Variants in BICDL1 observed in about 807,000 individuals in gnomAD.
BICDL1 encodes BICD family-like cargo adapter 1.
In BICDL1, 20 loss-of-function variants were observed where a neutral mutation model predicts 76.8. That is an observed-to-expected ratio of 0.26 (90% confidence interval 0.18 to 0.38). The LOEUF (loss-of-function observed/expected upper bound fraction) is 0.38, where lower values mean the gene tolerates loss of function less well. Among genes scored for constraint, BICDL1 ranks in the 10% least tolerant of loss-of-function variants. The pLI, the probability that BICDL1 is intolerant of heterozygous loss-of-function variation, is 1.00. For missense variants in BICDL1, 700 were observed against 798.6 expected (o/e 0.88, Z 1.49); for synonymous variants, 383 against 337.1 (o/e 1.14, Z -1.49).
Position 120,094,399 on chromosome 12 carries a change from T to TA in BICDL1, c.*1239dup. The TA allele has an allele frequency of 2.6e-6, 1 of 378,434 alleles. No individual in the cohort carries two copies. 23.4% of individuals were successfully genotyped at this position (378,434 alleles called of 1,614,324 possible). A position where few individuals can be genotyped will look rare whatever the true frequency, so the allele number is the denominator to read the frequency against. On this transcript the variant is annotated 3_prime_UTR_variant, in exon 10 of 10. Transcript: ENST00000548673. ...ACATGTATGGATTTTATAATATACA[T>TA]ATATAAAAATCTATAAAGGCATATT...
At chr12:120,005,621 G>C (rs539711174) in intron 2 of BICDL1, among the ~76,000 whole-genome samples, 5 of 152,144 alleles carry the variant, frequency 3.3e-5, no homozygotes, top group Admixed American at 2.0e-4. Flanking sequence ...GATCCACCTC[G>C]GCCTCCCAAA....
chr12:120,032,634 A>G (rs1952445298), intron 2 of BICDL1, among the ~76,000 whole-genome samples: 1 of 152,228 alleles, frequency 6.6e-6, no homozygotes, highest in Non-Finnish European at 1.5e-5. Flanking sequence ...AATAGAGGCA[A>G]GCCAAATAAT....
At position 120,015,185 on chromosome 12, in the gene BICDL1, A is replaced by G. The variant is rs74363329; in HGVS notation, c.645+16449A>G. Among the ~76,000 whole-genome samples the G allele has an allele frequency of 2.0e-4, 31 of 152,314 alleles. No homozygotes were observed. In the East Asian group the frequency reaches 4.4e-3, roughly 22 times the overall value. On this transcript the variant is annotated intron_variant, in intron 2 of 9. Transcript: ENST00000548673. Reference sequence around the variant, plus strand: ...GTTGAAGCTTTCTTAACTTTATGCAATAACCTGAAACATCTCCTTGCCTTT... The same window carrying G: ...GTTGAAGCTTTCTTAACTTTATGCAGTAACCTGAAACATCTCCTTGCCTTT...
chr12:120,074,110 T>C (rs1367548939), intron 6 of BICDL1, among the ~76,000 whole-genome samples: 2 of 152,072 alleles, frequency 1.3e-5, no homozygotes, highest in African/African-American at 2.4e-5. Context: ...AGACAGGGTT[T>C]CACCGTGTTA....
intron 2 of BICDL1, among the ~76,000 whole-genome samples, chr12:120,002,135 A>C (rs1194809501): frequency 6.6e-6 from 1 of 152,202 alleles, no homozygotes; most frequent in Non-Finnish European, 1.5e-5. Context: ...CACCCTCCGC[A>C]AAAGAAACCC....
In BICDL1 at chr12:120,093,030, C is replaced by G. The variant is rs751030849; in HGVS notation, c.1735C>G (p.Leu579Val). ...CATGCACAGGGTCATTGACCGGCAG[C>G]TGATGGACACGCACCTGAAAGAACG... The part of the protein sequence containing the change: ...DDMHRVIDRQ[L>V]MDTHLKERSQ... Residue 579 changes from leucine to valine, a missense_variant, in exon 10 of 10, where the codon CTG (leucine) becomes GTG (valine). By Grantham distance (32) the Leu-to-Val change is conservative. Around this residue, in one of 3 missense-constraint regions of BICDL1, gnomAD observed 455 missense variants for 548.7 expected, o/e 0.83. Transcript: ENST00000548673. 5 of 1,586,388 alleles carry G rather than the reference C, an allele frequency of 3.2e-6. No homozygotes were observed. The African/African-American group carries it at 6.7e-5, about 21-fold the overall frequency.
intron 2 of BICDL1, among the ~76,000 whole-genome samples, chr12:120,017,764 G>A (rs996233948): frequency 5.3e-5 from 8 of 152,092 alleles, no homozygotes; most frequent in African/African-American, 1.2e-4. Flanking sequence ...AGATTTGGCC[G>A]CATAATAGTT....
chr12:120,025,142 TG>T (rs1479527981), intron 2 of BICDL1, among the ~76,000 whole-genome samples: 1 of 149,268 alleles, frequency 6.7e-6, no homozygotes, highest in East Asian at 2.0e-4. Flanking sequence ...CTCCGCCCCC[TG>T]GGGTTCACAC....
At chr12:120,030,835 C>T (rs1952406927) in intron 2 of BICDL1, among the ~76,000 whole-genome samples, 1 of 152,166 alleles carries the variant, frequency 6.6e-6, no homozygotes, top group Admixed American at 6.6e-5. Flanking sequence ...CTACTTTCAA[C>T]AGTAACTGAG....
chr12:120,006,595 CA>C (rs1298041257), intron 2 of BICDL1, among the ~76,000 whole-genome samples: 2 of 152,112 alleles, frequency 1.3e-5, no homozygotes, highest in African/African-American at 4.8e-5. Flanking sequence ...ATAGGATTCT[CA>C]GGAAGGAACC....
intron 8 of BICDL1, 148 bp from the exon 9 acceptor site, chr12:120,089,803 A>C: frequency 8.8e-6 from 8 of 907,530 alleles, no homozygotes; most frequent in Non-Finnish European, 1.2e-5. Flanking sequence ...TCTGCAGGCA[A>C]CATCATAGTT....
At chr12:119,990,777 C>T (rs1362276064) in intron 1 of BICDL1, among the ~76,000 whole-genome samples, 7 of 152,126 alleles carry the variant, frequency 4.6e-5, no homozygotes, top group Non-Finnish European at 8.8e-5. Context: ...AACAAGTGCC[C>T]CTAAAGGAGC....
At chr12:120,057,407 T>A (rs1032624463) in intron 2 of BICDL1, among the ~76,000 whole-genome samples, 6 of 152,196 alleles carry the variant, frequency 3.9e-5, no homozygotes, top group African/African-American at 1.4e-4. Flanking sequence ...TCCCACTTCT[T>A]CAAAGGTTCT....
At chr12:120,064,274 GA>G (rs1340898891) in intron 3 of BICDL1, among the ~76,000 whole-genome samples, 1 of 152,132 alleles carries the variant, frequency 6.6e-6, no homozygotes, top group Non-Finnish European at 1.5e-5. Flanking sequence ...AGACGGAGGG[GA>G]ATCCCGGGGT....
intron 2 of BICDL1, among the ~76,000 whole-genome samples, chr12:120,005,888 A>G (rs1426013455): frequency 3.3e-5 from 5 of 152,222 alleles, no homozygotes; most frequent in South Asian, 2.1e-4. Flanking sequence ...ATCCTTGTTC[A>G]TACATTTTTG....
intron 2 of BICDL1, among the ~76,000 whole-genome samples, chr12:120,015,968 C>G (rs1451073886): frequency 2.6e-5 from 4 of 152,122 alleles, no homozygotes; most frequent in Non-Finnish European, 5.9e-5. Flanking sequence ...AGCATATGTA[C>G]AGAGTTGTGC....
At chr12:120,017,403 A>G (rs1952087973) in intron 2 of BICDL1, among the ~76,000 whole-genome samples, 1 of 152,216 alleles carries the variant, frequency 6.6e-6, no homozygotes, top group Non-Finnish European at 1.5e-5. Flanking sequence ...GTTTAGAAAT[A>G]AATGTAAGTT....
At position 120,074,445 on chromosome 12, in the gene BICDL1, C is replaced by A; in HGVS notation, c.1311C>A (p.Gly437=). ...GGCTGTCTTTCTTTTACTGTCAGGG[C>A]TCCCGGAGACTTGATGATGACTCCT... is the stretch of plus-strand genomic sequence containing the variant. ...QSIVDGMEPT[G]SRRLDDDSLE... The change falls in exon 7 of 10, where the codon GGC becomes GGA. Residue 437 remains glycine (G), a splice_region_variant and synonymous_variant. Coordinates refer to ENST00000548673, the MANE Select transcript of BICDL1 (RefSeq NM_001367886.1). The A allele has an allele frequency of 8.3e-7, 1 of 1,208,718 alleles. No homozygotes were observed. The highest frequency in any genetic ancestry group is 1.5e-5 in the South Asian group (1 of 68,356). 74.9% of individuals were successfully genotyped at this position (1,208,718 alleles called of 1,614,324 possible).
At chr12:120,068,768 A>G (rs998905744) in intron 4 of BICDL1, among the ~76,000 whole-genome samples, 8 of 152,208 alleles carry the variant, frequency 5.3e-5, no homozygotes, top group South Asian at 4.1e-4. Flanking sequence ...GTGAGCCACA[A>G]TCGTGCCACT....
Sources: gnomAD v4.1 joint callset for allele counts (sites outside exome capture counted in the v4.1 genomes callset) on GRCh38, gnomAD v4.1.1 for gene constraint, gnomAD v4.1.1 regional missense constraint, MANE v1.5 for transcripts, NCBI Gene and HGNC (gene_info 2026-07-23, HGNC 2026-07-21) for gene names.